ADORA1: variants seen among roughly 807,000 people sequenced by gnomAD.
ADORA1 encodes the protein adenosine receptor A1.
Under a neutral mutation model 19.9 loss-of-function variants are expected in ADORA1, and 6 were observed. The ratio of observed to expected loss-of-function variants is 0.30; its 90% CI spans 0.17 to 0.59. The LOEUF is 0.59. ADORA1 is among the 20% of genes least tolerant of loss of function. The probability of loss-of-function intolerance (pLI) is 0.87; values close to 1 mark genes in which losing one functional copy is unlikely to be tolerated. For synonymous variants in ADORA1, 194 were observed against 188.4 expected, an observed-to-expected ratio of 1.03 and a Z score of -0.24; for missense variants, 302 against 439.2, an observed-to-expected ratio of 0.69 and a Z score of 2.79.
At chr1:203,130,670 T>TG (rs1654304944) in intron 3 of ADORA1, among the ~76,000 whole-genome samples, 1 of 152,246 alleles carries the variant, frequency 6.6e-6, no homozygotes, top group African/African-American at 2.4e-5. Context: ...AACGAAGTGT[T>TG]GCCACATTTG....
rs2102184614 is a variant in ADORA1 at position 203,167,378 on chromosome 1, T to C, written c.*1478T>C. ...TGCCCTGGCTCCCAAGGGAGGCCCA[T>C]GTGACTAATAAAAAACTGTGAACCC... On this transcript the variant is annotated 3_prime_UTR_variant, in exon 4 of 4. Transcript: ENST00000337894. The C allele has an allele frequency of 6.6e-6, 1 of 152,328 alleles. No homozygotes were observed. The highest frequency in any genetic ancestry group is 1.9e-4 in the East Asian group (1 of 5,170). The allele number at this position is 152,328 out of a possible 1,614,324, so 9.4% of individuals were successfully genotyped here. A position where few individuals can be genotyped will look rare whatever the true frequency, so the allele number is the denominator to read the frequency against.
chr1:203,143,871 C>A (rs543333948), intron 3 of ADORA1, among the ~76,000 whole-genome samples: 26 of 152,346 alleles, frequency 1.7e-4, no homozygotes, highest in African/African-American at 6.3e-4. Flanking sequence ...ACGTTTCCAA[C>A]GGCCACGGTG....
intron 3 of ADORA1, among the ~76,000 whole-genome samples, chr1:203,151,639 G>A (rs1571801457): frequency 6.6e-6 from 1 of 152,048 alleles, no homozygotes. Context: ...TCCTCACAGG[G>A]GGCCTGCCAA....
Position 203,166,108 on chromosome 1 carries a change from G to C in ADORA1, c.*208G>C, listed in dbSNP as rs200032602. On this transcript the variant is annotated 3_prime_UTR_variant, in exon 4 of 4. Coordinates refer to ENST00000337894, the MANE Select transcript of ADORA1 (RefSeq NM_000674.3). ...CCTCTGGGCCCTGCAGGAGGCCTGG[G>C]AGGGCAAGGGTCCTACGGAGGGACC... The C allele has an allele frequency of 4.3e-5, 25 of 582,310 alleles. No homozygotes were observed. The South Asian group carries it at 1.3e-3, about 31-fold the overall frequency. The allele number at this position is 582,310 out of a possible 1,614,324, so 36.1% of individuals were successfully genotyped here. A position where few individuals can be genotyped will look rare whatever the true frequency, so the allele number is the denominator to read the frequency against.
In ADORA1 at chr1:203,146,582, G is replaced by A. The variant is rs553204184; in HGVS notation, c.341+17400G>A. ...AGGTTGAGGCTACGGTGGGCCATGA[G>A]TGCCACTGCATTCCAGGCTGGGTGA... is the stretch of plus-strand genomic sequence containing the variant. On this transcript the variant is annotated intron_variant, in intron 3 of 3. Transcript: ENST00000337894. Among the ~76,000 whole-genome samples the A allele has an allele frequency of 3.3e-5, 5 of 150,926 alleles. No homozygotes were observed. In the East Asian group the frequency reaches 9.7e-4, roughly 29 times the overall value.
chr1:203,143,952 G>A (rs892867541), intron 3 of ADORA1, among the ~76,000 whole-genome samples: 1 of 152,144 alleles, frequency 6.6e-6, no homozygotes, highest in Non-Finnish European at 1.5e-5. Context: ...GCTTGGAAGC[G>A]CAGCGCCATA....
intron 3 of ADORA1, among the ~76,000 whole-genome samples, chr1:203,145,928 G>A (rs1428491702): frequency 6.6e-6 from 1 of 152,182 alleles, no homozygotes; most frequent in Admixed American, 6.5e-5. Context: ...AAGCGGCTGT[G>A]GCAGGGCAGG....
At chr1:203,163,404 C>T (rs1484948444) in intron 3 of ADORA1, among the ~76,000 whole-genome samples, 3 of 152,164 alleles carry the variant, frequency 2.0e-5, no homozygotes, top group African/African-American at 7.2e-5. Context: ...GGCCATTCTG[C>T]TGAGGGTACA....
Position 203,136,230 on chromosome 1 carries a change from G to A in ADORA1, c.341+7048G>A, listed in dbSNP as rs924255828. 2.0e-5 allele frequency among the ~76,000 whole-genome samples: 3 copies of A among 152,198 alleles called. No individual in the cohort carries two copies. In the East Asian group the frequency reaches 5.8e-4, roughly 29 times the overall value. Reference sequence around the variant, plus strand: ...AAAGCCTGGCAGGCAGGTGGTCGTGGGGATAAGGAGAAGAAGGAGAGGCAG... The same window carrying A: ...AAAGCCTGGCAGGCAGGTGGTCGTGAGGATAAGGAGAAGAAGGAGAGGCAG... On this transcript the variant is annotated intron_variant, in intron 3 of 3. Transcript: ENST00000337894.
At chr1:203,140,774 G>A (rs1654656363) in intron 3 of ADORA1, among the ~76,000 whole-genome samples, 1 of 152,184 alleles carries the variant, frequency 6.6e-6, no homozygotes. Context: ...GCTTCCAGAA[G>A]GAGACAGCAG....
chr1:203,166,923 C>G lies in ADORA1; in HGVS notation c.*1023C>G, dbSNP rs1655576428. 6.6e-6 allele frequency: 1 copy of G among 152,554 alleles called. No individual in the cohort carries two copies. The highest frequency in any genetic ancestry group is 2.1e-4 in the South Asian group (1 of 4,842). The allele number at this position is 152,554 out of a possible 1,614,324, so 9.5% of individuals were successfully genotyped here. ...GGACTCAGTGTTGACTGTAGGCGCC[C>G]CTGGGGTGGGTTTAGCAGGCTGCAG... On this transcript the variant is annotated 3_prime_UTR_variant, in exon 4 of 4. Coordinates refer to ENST00000337894, the MANE Select transcript of ADORA1 (RefSeq NM_000674.3).
chr1:203,152,820 T>C (rs1033067955), intron 3 of ADORA1: 1 of 152,072 alleles, frequency 6.6e-6, no homozygotes, highest in Non-Finnish European at 1.5e-5. Flanking sequence ...GTGCTTGACT[T>C]TGGGAGGGGA....
chr1:203,140,741 C>T (rs1467853115), intron 3 of ADORA1, among the ~76,000 whole-genome samples: 1 of 152,220 alleles, frequency 6.6e-6, no homozygotes, highest in Non-Finnish European at 1.5e-5. Context: ...GCAGTAGGAA[C>T]ATGAGGCTTC....
At chr1:203,143,024 G>A (rs1181745428) in intron 3 of ADORA1, among the ~76,000 whole-genome samples, 4 of 152,200 alleles carry the variant, frequency 2.6e-5, no homozygotes, top group African/African-American at 9.7e-5. Context: ...TGACAATGAT[G>A]CAAACAACAT....
chr1:203,128,337 G>GAGCCC lies in ADORA1; in HGVS notation c.-142_-138dup, dbSNP rs776613316. 103 of 1,289,220 alleles carry GAGCCC rather than the reference G, an allele frequency of 8.0e-5. No individual in the cohort carries two copies. The Admixed American group carries it at 9.0e-4, about 11-fold the overall frequency. 79.9% of individuals were successfully genotyped at this position (1,289,220 alleles called of 1,614,324 possible). ...ACTATGAGCTGCCGCGCGTTGTCCAGAGCCCAGCCCAGCCCTACCGCGCGC... is the reference window on the plus strand; with the variant it reads ...ACTATGAGCTGCCGCGCGTTGTCCAGAGCCCAGCCCAGCCCAGCCCTACCGCGCGC... On this transcript the variant is annotated 5_prime_UTR_variant, in exon 2 of 4. An upstream open reading frame in the 5' UTR gains an earlier in-frame stop. Transcript: ENST00000337894. This position sits in a 1 kb window ranked among gnomAD's most constrained non-coding sequence, Gnocchi z 5.9.
intron 3 of ADORA1, among the ~76,000 whole-genome samples, chr1:203,158,114 TC>T (rs1452094560): frequency 6.6e-6 from 1 of 152,244 alleles, no homozygotes; most frequent in Non-Finnish European, 1.5e-5. Flanking sequence ...GTTTTCCAAA[TC>T]TTTCCATTCT....
chr1:203,163,349 A>T (rs529849331), intron 3 of ADORA1, among the ~76,000 whole-genome samples: 1 of 152,338 alleles, frequency 6.6e-6, no homozygotes, highest in East Asian at 1.9e-4. Context: ...GCAGACTGGC[A>T]GCCCGAGTTT....
At chr1:203,160,097 C>G (rs939912972) in intron 3 of ADORA1, among the ~76,000 whole-genome samples, 4 of 152,218 alleles carry the variant, frequency 2.6e-5, no homozygotes, top group Non-Finnish European at 5.9e-5. Context: ...AGAGCTGGGT[C>G]CAATATGGGC....
At chr1:203,138,998 TAGTAGAGACAGGGTTTCACCA>T (rs1272760107) in intron 3 of ADORA1, among the ~76,000 whole-genome samples, 1 of 152,136 alleles carries the variant, frequency 6.6e-6, no homozygotes, top group East Asian at 1.9e-4. Context: ...TTTGTATTTT[TAGTAGAGACAGGGTTTCACCA>T]AGTTGGCCAG....
Sources: allele counts gnomAD v4.1 joint callset (sites outside exome capture counted in the v4.1 genomes callset), GRCh38; gene constraint gnomAD v4.1.1; non-coding constraint Gnocchi (gnomAD v3.1); transcripts MANE v1.5; gene names NCBI Gene and HGNC (gene_info 2026-07-23, HGNC 2026-07-21).